PRKG1: variants seen among roughly 807,000 people sequenced by gnomAD.
PRKG1 encodes protein kinase cGMP-dependent 1, also known as cGMP-dependent protein kinase 1.
A neutral mutation model predicts 88.1 loss-of-function variants in PRKG1; 35 were observed. That is an observed-to-expected ratio of 0.40 (90% CI 0.30 to 0.53). The LOEUF (loss-of-function observed/expected upper bound fraction) is 0.53, where lower values mean the gene tolerates loss of function less well. Ranked by LOEUF, PRKG1 falls within the 20% of genes least tolerant of loss-of-function variation. The pLI is 0.59. For synonymous variants in PRKG1, 303 were observed against 292.5 expected (o/e 1.04, Z -0.37); for missense variants, 540 against 839.8 (o/e 0.64, Z 4.41).
chr10:51,013,267 T>C (rs1338598837), intron 1 of PRKG1, among the ~76,000 whole-genome samples: 2 of 152,218 alleles, frequency 1.3e-5, no homozygotes, highest in Non-Finnish European at 2.9e-5. Context: ...CTTAGAACAA[T>C]GCTTGCAGTT....
At chr10:51,065,736 A>G (rs1357276172) in intron 1 of PRKG1, among the ~76,000 whole-genome samples, 2 of 152,130 alleles carry the variant, frequency 1.3e-5, no homozygotes, top group African/African-American at 4.8e-5. Context: ...ATTAGCCAGT[A>G]TAGTGAGCGC....
chr10:52,062,730 C>T (rs1846266808), intron 7 of PRKG1, 99 bp downstream of exon 7: 3 of 835,702 alleles, frequency 3.6e-6, no homozygotes, highest in African/African-American at 1.7e-5. Flanking sequence ...TTATTTAGTG[C>T]TTATCTCAAT....
At chr10:51,751,672 A>G (rs889205334) in intron 3 of PRKG1, among the ~76,000 whole-genome samples, 2 of 152,200 alleles carry the variant, frequency 1.3e-5, no homozygotes, top group Non-Finnish European at 2.9e-5. Flanking sequence ...TTTATTTGCT[A>G]AATCTGGCAA....
intron 2 of PRKG1, among the ~76,000 whole-genome samples, chr10:51,455,177 T>C (rs1839549507): frequency 6.6e-6 from 1 of 152,220 alleles, no homozygotes; most frequent in African/African-American, 2.4e-5. Context: ...AAGCTCTACC[T>C]TGGCCTCTTT....
rs1842362532 is a variant in PRKG1 at position 52,295,520 on chromosome 10, C to T, written c.*1620C>T. The T allele has an allele frequency of 6.6e-6, 1 of 151,918 alleles. No individual in the cohort carries two copies. The highest frequency in any genetic ancestry group is 1.5e-5 in the Non-Finnish European group (1 of 67,916). The allele number at this position is 151,918 out of a possible 1,614,324, so 9.4% of individuals were successfully genotyped here. ...TATTAGCTGTCATAAGTAACTCAGC[C>T]ATTTGGAAGCATTTCCTGGACAAAA... is the stretch of plus-strand genomic sequence containing the variant. On this transcript the variant is annotated 3_prime_UTR_variant, in exon 18 of 18. Coordinates refer to ENST00000373980, the MANE Select transcript of PRKG1 (RefSeq NM_006258.4).
chr10:51,645,650 A>G (rs537925020), intron 3 of PRKG1, among the ~76,000 whole-genome samples: 16 of 152,244 alleles, frequency 1.1e-4, no homozygotes, highest in Admixed American at 7.9e-4. Flanking sequence ...GCATTGCAAT[A>G]TAAAAAGTAC....
At chr10:52,262,846 A>C (rs1404867650) in intron 10 of PRKG1, among the ~76,000 whole-genome samples, 3 of 152,106 alleles carry the variant, frequency 2.0e-5, no homozygotes, top group African/African-American at 7.2e-5. Flanking sequence ...TACAGTACCT[A>C]ATACAATGCA....
At chr10:51,248,074 C>T (rs1839338558) in intron 2 of PRKG1, among the ~76,000 whole-genome samples, 1 of 151,702 alleles carries the variant, frequency 6.6e-6, no homozygotes, top group South Asian at 2.1e-4. Context: ...GTAAATGAAC[C>T]CTTAGGTAGA....
At chr10:51,281,408 G>A (rs1277905192) in intron 2 of PRKG1, among the ~76,000 whole-genome samples, 1 of 152,186 alleles carries the variant, frequency 6.6e-6, no homozygotes, top group Non-Finnish European at 1.5e-5. Flanking sequence ...TGGCACAGGA[G>A]GAGATTATAT....
At chr10:51,623,047 T>C (rs1354392416) in intron 3 of PRKG1, among the ~76,000 whole-genome samples, 1 of 152,234 alleles carries the variant, frequency 6.6e-6, no homozygotes, top group Admixed American at 6.5e-5. Flanking sequence ...GAAACATTTT[T>C]ATTGCCTGTT....
At chr10:52,247,468 T>C (rs1419491192) in intron 9 of PRKG1, among the ~76,000 whole-genome samples, 1 of 152,154 alleles carries the variant, frequency 6.6e-6, no homozygotes, top group Non-Finnish European at 1.5e-5. Flanking sequence ...GGTTGTTTAA[T>C]AAAATAACAG....
rs182983398 is a variant in PRKG1 at position 52,121,315 on chromosome 10, G to T, written c.936-12525G>T. ...TTTGTCCCATATTCTTGATGAATAG[G>T]ATCTATCTTCCTTCCATCCATATTA... On this transcript the variant is annotated intron_variant, in intron 7 of 17. Coordinates refer to ENST00000373980, the MANE Select transcript of PRKG1 (RefSeq NM_006258.4). Among the ~76,000 whole-genome samples, 108 of 152,252 alleles carry T rather than the reference G, an allele frequency of 7.1e-4. 1 individual carries two copies. Among genetic ancestry groups the T allele is most frequent in the East Asian group, 1.7e-3 (9 of 5,164 alleles).
intron 5 of PRKG1, among the ~76,000 whole-genome samples, chr10:51,941,832 T>G (rs1842916024): frequency 6.6e-6 from 1 of 151,958 alleles, no homozygotes; most frequent in Non-Finnish European, 1.5e-5. Context: ...ATGTGCCACA[T>G]TTTCTTAATC....
At chr10:51,022,117 G>T (rs1231936325) in intron 1 of PRKG1, among the ~76,000 whole-genome samples, 1 of 152,152 alleles carries the variant, frequency 6.6e-6, no homozygotes. Flanking sequence ...AGTCATTACT[G>T]GAGTTCTGTC....
intron 7 of PRKG1, among the ~76,000 whole-genome samples, chr10:52,101,333 A>C (rs1017693911): frequency 2.0e-5 from 3 of 150,130 alleles, no homozygotes; most frequent in Non-Finnish European, 4.5e-5. Flanking sequence ...TACGAATTTG[A>C]CATAATTTTA....
chr10:51,053,559 T>C (rs1439870073), intron 1 of PRKG1, among the ~76,000 whole-genome samples: 1 of 152,144 alleles, frequency 6.6e-6, no homozygotes, highest in Non-Finnish European at 1.5e-5. Flanking sequence ...CACCCAGTAA[T>C]TGCCAATTTG....
chr10:51,512,397 A>C (rs1277140850), intron 3 of PRKG1, among the ~76,000 whole-genome samples: 1 of 129,224 alleles, frequency 7.7e-6, no homozygotes, highest in African/African-American at 3.0e-5. Flanking sequence ...TCCTGTGTCC[A>C]TGTGATCTCA....
intron 2 of PRKG1, among the ~76,000 whole-genome samples, chr10:51,213,070 G>A (rs1298109718): frequency 1.3e-5 from 2 of 152,162 alleles, no homozygotes; most frequent in African/African-American, 2.4e-5. Context: ...CAAGCCAAAT[G>A]TCCAACAGTG....
chr10:51,369,953 T>G (rs1006578647), intron 2 of PRKG1, among the ~76,000 whole-genome samples: 1 of 152,202 alleles, frequency 6.6e-6, no homozygotes, highest in African/African-American at 2.4e-5. Context: ...GTTTATTGTT[T>G]ACTTTTTTCT....
Sources: gnomAD v4.1 joint callset for allele counts (sites outside exome capture counted in the v4.1 genomes callset) on GRCh38, gnomAD v4.1.1 for gene constraint, MANE v1.5 for transcripts, NCBI Gene and HGNC (gene_info 2026-07-23, HGNC 2026-07-21) for gene names.